Variants in EPHA6 observed in about 807,000 individuals in gnomAD.
EPHA6 encodes ephrin type-A receptor 6.
In EPHA6, 50 loss-of-function variants were observed where a neutral mutation model predicts 112.0. That is an observed-to-expected ratio of 0.45 (90% confidence interval 0.36 to 0.56). The LOEUF is 0.56. EPHA6 is among the 20% of genes least tolerant of loss of function. EPHA6 has a pLI of 0.00. For missense variants in EPHA6, 1,280 were observed against 1,417.4 expected (o/e 0.90, Z 1.56); for synonymous variants, 529 against 490.7 (o/e 1.08, Z -1.03).
intron 14 of EPHA6, among the ~76,000 whole-genome samples, chr3:97,677,855 G>T (rs1301631356): frequency 2.0e-5 from 3 of 152,036 alleles, no homozygotes; most frequent in African/African-American, 7.2e-5. Context: ...CTAATATAAG[G>T]CAGAAAAGAA....
At chr3:97,570,519 C>T (rs993258003) in intron 11 of EPHA6, among the ~76,000 whole-genome samples, 1 of 152,092 alleles carries the variant, frequency 6.6e-6, no homozygotes, top group Non-Finnish European at 1.5e-5. Flanking sequence ...ATCACGAGGT[C>T]GGGAGTTGAA....
chr3:96,999,647 G>C (rs1438464962), intron 3 of EPHA6, among the ~76,000 whole-genome samples: 1 of 151,850 alleles, frequency 6.6e-6, no homozygotes, highest in African/African-American at 2.4e-5. Context: ...AATTTTTCTA[G>C]ACATTTGGTC....
At chr3:97,587,283 T>A (rs2093499441) in intron 11 of EPHA6, among the ~76,000 whole-genome samples, 1 of 151,902 alleles carries the variant, frequency 6.6e-6, no homozygotes. Context: ...ATGCAGACAC[T>A]CTATTCTCAG....
intron 14 of EPHA6, among the ~76,000 whole-genome samples, chr3:97,695,763 T>C (rs2032993923): frequency 2.6e-5 from 4 of 152,176 alleles, no homozygotes; most frequent in Admixed American, 2.6e-4. Flanking sequence ...ATAGTCTCGA[T>C]CTCTTGACCT....
intron 6 of EPHA6, among the ~76,000 whole-genome samples, chr3:97,418,227 G>A (rs1410987193): frequency 6.6e-6 from 1 of 151,252 alleles, no homozygotes; most frequent in Non-Finnish European, 1.5e-5. Flanking sequence ...ACTAATAAAT[G>A]ATACTAATAA....
chr3:97,519,294 T>A (rs1014824195), intron 10 of EPHA6, among the ~76,000 whole-genome samples: 2 of 152,196 alleles, frequency 1.3e-5, no homozygotes, highest in Middle Eastern at 6.3e-3. Flanking sequence ...CTGTCAAAAC[T>A]CCGTCAGCTG....
chr3:97,689,168 G>C (rs1164521249), intron 14 of EPHA6, among the ~76,000 whole-genome samples: 1 of 152,164 alleles, frequency 6.6e-6, no homozygotes, highest in Non-Finnish European at 1.5e-5. Context: ...TGCACCTAAG[G>C]AAATATGTGA....
At chr3:96,917,133 T>C (rs1559829227) in intron 2 of EPHA6, among the ~76,000 whole-genome samples, 1 of 152,004 alleles carries the variant, frequency 6.6e-6, no homozygotes, top group Non-Finnish European at 1.5e-5. Context: ...CAAACACACA[T>C]TTTTTGGCCG....
intron 10 of EPHA6, among the ~76,000 whole-genome samples, chr3:97,485,343 G>C (rs968613329): frequency 1.3e-5 from 2 of 152,172 alleles, no homozygotes; most frequent in Admixed American, 6.5e-5. Flanking sequence ...TGACAACAGA[G>C]AACTAAACCA....
chr3:96,919,389 G>T (rs1314190967), intron 2 of EPHA6, among the ~76,000 whole-genome samples: 1 of 151,914 alleles, frequency 6.6e-6, no homozygotes, highest in East Asian at 1.9e-4. Context: ...TAAAATAAAA[G>T]AAGTTTTAGA....
At chr3:97,556,074 C>A (rs1413329427) in intron 11 of EPHA6, among the ~76,000 whole-genome samples, 1 of 151,936 alleles carries the variant, frequency 6.6e-6, no homozygotes, top group Non-Finnish European at 1.5e-5. Context: ...TAGGGCCAGC[C>A]CCTACATTCT....
At chr3:97,068,510 A>T (rs2046251394) in intron 3 of EPHA6, among the ~76,000 whole-genome samples, 1 of 152,166 alleles carries the variant, frequency 6.6e-6, no homozygotes, top group Non-Finnish European at 1.5e-5. Flanking sequence ...GCCTTTGTCC[A>T]GAGCACCTAG....
At chr3:97,221,035 G>T (rs1243340724) in intron 3 of EPHA6, among the ~76,000 whole-genome samples, 1 of 151,938 alleles carries the variant, frequency 6.6e-6, no homozygotes, top group East Asian at 1.9e-4. Flanking sequence ...GGTAATGCAG[G>T]CTGGGTGCAG....
intron 1 of EPHA6, among the ~76,000 whole-genome samples, chr3:96,866,470 G>T (rs2036319249): frequency 6.6e-6 from 1 of 151,860 alleles, no homozygotes. Flanking sequence ...CTTCCTGAAT[G>T]TGGTCTAAAA....
chr3:97,114,598 A>T lies in EPHA6; in HGVS notation c.1115-111666A>T, dbSNP rs142522744. On this transcript the variant is annotated intron_variant, in intron 3 of 17. Coordinates refer to ENST00000389672, the MANE Select transcript of EPHA6 (RefSeq NM_001080448.3). ...TCTTTCAGTAAATATAAAAGAGGAT[A>T]ATCAGTCTCCTAGAGCTTCCCATTT... is the stretch of plus-strand genomic sequence containing the variant. Among the ~76,000 whole-genome samples the T allele has an allele frequency of 3.3e-5, 5 of 152,198 alleles. 1 individual carries two copies. The East Asian group carries it at 9.7e-4, about 29-fold the overall frequency.
At chr3:97,398,018 A>G (rs749266842) in intron 5 of EPHA6, among the ~76,000 whole-genome samples, 4 of 151,518 alleles carry the variant, frequency 2.6e-5, no homozygotes, top group Non-Finnish European at 4.4e-5. Flanking sequence ...ATAGGATGGA[A>G]CTTGTAAAAT....
rs548421809 is a variant in EPHA6, at chr3:97,282,536, C to T, written c.1606+38249C>T. Among the ~76,000 whole-genome samples, 13 of 152,132 alleles carry T rather than the reference C, an allele frequency of 8.5e-5. No homozygotes were observed. The East Asian group carries it at 1.2e-3, about 14-fold the overall frequency. On this transcript the variant is annotated intron_variant, in intron 5 of 17. Coordinates refer to ENST00000389672, the MANE Select transcript of EPHA6 (RefSeq NM_001080448.3). ...ATTCTTTTATAAAGATACATGCATG[C>T]GTATGTTTATTGCAGCACCATTCGC...
At chr3:97,103,703 T>C (rs185849607) in intron 3 of EPHA6, among the ~76,000 whole-genome samples, 1 of 152,266 alleles carries the variant, frequency 6.6e-6, no homozygotes, top group East Asian at 1.9e-4. Flanking sequence ...GGGAGTTTGA[T>C]AGGAATCGCA....
At chr3:96,960,640 G>A (rs1162634459) in intron 2 of EPHA6, among the ~76,000 whole-genome samples, 9 of 152,082 alleles carry the variant, frequency 5.9e-5, no homozygotes, top group Admixed American at 4.6e-4. Flanking sequence ...TTGTCTTTAG[G>A]ACCATCACAG....
Sources: gnomAD v4.1 joint callset for allele counts (sites outside exome capture counted in the v4.1 genomes callset) on GRCh38, gnomAD v4.1.1 for gene constraint, MANE v1.5 for transcripts, NCBI Gene and HGNC (gene_info 2026-07-23, HGNC 2026-07-21) for gene names.